Variants in CFAP97D2 observed in about 807,000 individuals in gnomAD.
The protein encoded by CFAP97D2 is CFAP97 domain containing 2, also known as uncharacterized protein CFAP97D2.
At chr13:114,209,558 G>C (rs779991922) in intron 3 of CFAP97D2, among the ~76,000 whole-genome samples, 1 of 152,114 alleles carries the variant, frequency 6.6e-6, no homozygotes, top group African/African-American at 2.4e-5. Flanking sequence ...TGGAGAGGAA[G>C]GTCCTGATGG....
At chr13:114,201,963 G>A (rs1594518358) in intron 3 of CFAP97D2, among the ~76,000 whole-genome samples, 1 of 152,312 alleles carries the variant, frequency 6.6e-6, no homozygotes, top group East Asian at 1.9e-4. Context: ...CATGACACCA[G>A]CACCCCAGTC....
At chr13:114,180,985 G>A (rs1178169914) in intron 1 of CFAP97D2, among the ~76,000 whole-genome samples, 1 of 152,222 alleles carries the variant, frequency 6.6e-6, no homozygotes, top group Non-Finnish European at 1.5e-5. Context: ...GCCCCAGGGG[G>A]CATAAGCTAG....
rs2080966147 is a variant in CFAP97D2 at position 114,211,464 on chromosome 13, A to G, written c.291-448A>G. On this transcript the variant is annotated intron_variant, in intron 3 of 4. Coordinates refer to ENST00000646158, the Ensembl canonical transcript of CFAP97D2. This position sits in a 1 kb window ranked among gnomAD's most constrained non-coding sequence, Gnocchi z 4.2. ...ACCCTCCAAAATCCAACCCCTGCCA[A>G]CCTCCCTCACCTCTCTCCCATGGGC... Among the ~76,000 whole-genome samples the G allele has an allele frequency of 1.3e-5, 2 of 150,822 alleles. No individual in the cohort carries two copies. The highest frequency in any genetic ancestry group is 4.9e-5 in the African/African-American group (2 of 40,888).
intron 3 of CFAP97D2, 39 bp downstream of exon 3, chr13:114,200,482 C>T (rs370075294): frequency 5.0e-6 from 2 of 398,420 alleles, no homozygotes; most frequent in East Asian, 3.6e-5. Flanking sequence ...CGGCTCAGCA[C>T]CAAACCCGAG....
chr13:114,184,028 G>A (rs940651027), intron 1 of CFAP97D2, among the ~76,000 whole-genome samples: 3 of 152,272 alleles, frequency 2.0e-5, no homozygotes, highest in South Asian at 2.1e-4. Context: ...GTATATACAC[G>A]TAATCCCAGC....
At chr13:114,197,573 G>T (rs2080893540) in intron 2 of CFAP97D2, among the ~76,000 whole-genome samples, 1 of 152,166 alleles carries the variant, frequency 6.6e-6, no homozygotes, top group African/African-American at 2.4e-5. Context: ...TCATGTCTTG[G>T]GGGGAAGGGA....
In CFAP97D2 at chr13:114,189,878, C is replaced by T. The variant is rs531729397; in HGVS notation, c.91-6518C>T. 2.0e-5 allele frequency among the ~76,000 whole-genome samples: 3 copies of T among 152,218 alleles called. No individual in the cohort carries two copies. The highest frequency in any genetic ancestry group is 3.4e-3 in the Middle Eastern group (1 of 294). On this transcript the variant is annotated intron_variant, in intron 1 of 4. Coordinates refer to ENST00000646158, the Ensembl canonical transcript of CFAP97D2. This position sits in a 1 kb window ranked among gnomAD's most constrained non-coding sequence, Gnocchi z 4.5. ...TATCTCCAGGCTGGGCATGGTGGCT[C>T]GCCCTGTAATCAGAACACTTTGGGT...
At chr13:114,197,221 C>A (rs776625796) in intron 2 of CFAP97D2, among the ~76,000 whole-genome samples, 1 of 152,208 alleles carries the variant, frequency 6.6e-6, no homozygotes, top group Non-Finnish European at 1.5e-5. Flanking sequence ...CAAGAGACAG[C>A]TTTGCAGGGC....
chr13:114,182,190 T>A lies in CFAP97D2; in HGVS notation c.90+2770T>A, dbSNP rs375014834. Among the ~76,000 whole-genome samples the A allele has an allele frequency of 3.7e-3, 522 of 140,692 alleles. 9 individuals carry two copies. Among genetic ancestry groups the A allele is most frequent in the African/African-American group, 0.013 (481 of 36,138 alleles). The allele number at this position is 140,692 out of a possible 152,430, so 92.3% of individuals were successfully genotyped here. A position where few individuals can be genotyped will look rare whatever the true frequency, so the allele number is the denominator to read the frequency against. On this transcript the variant is annotated intron_variant, in intron 1 of 4. Transcript: ENST00000646158. ...CAAAAAACGTGAGCAAAAGAGTCTATGTCGTAATTAAGTTCAAGGGAAGGT... is the reference window on the plus strand; with the variant it reads ...CAAAAAACGTGAGCAAAAGAGTCTAAGTCGTAATTAAGTTCAAGGGAAGGT...
intron 4 of CFAP97D2, among the ~76,000 whole-genome samples, chr13:114,216,269 C>T (rs2080992823): frequency 6.6e-6 from 1 of 152,144 alleles, no homozygotes; most frequent in African/African-American, 2.4e-5. Flanking sequence ...GGCTTGTTTT[C>T]AGACATCATT....
intron 4 of CFAP97D2, among the ~76,000 whole-genome samples, chr13:114,216,543 TG>T (rs1412466125): frequency 6.6e-6 from 1 of 152,182 alleles, no homozygotes; most frequent in East Asian, 1.9e-4. Flanking sequence ...ATGCGGTGTT[TG>T]GTTTTTTGAC....
In CFAP97D2 at chr13:114,211,566, G is replaced by C. The variant is rs1377798496; in HGVS notation, c.291-346G>C. Among the ~76,000 whole-genome samples the C allele has an allele frequency of 6.6e-6, 1 of 151,964 alleles. No individual in the cohort carries two copies. Among genetic ancestry groups the C allele is most frequent in the Non-Finnish European group, 1.5e-5 (1 of 68,014 alleles). ...CCGGGTGCTCGCCCTCCCTGCCTGG[G>C]ACCCCACTCTCTCCCACTCATCTTG... On this transcript the variant is annotated intron_variant, in intron 3 of 4. Coordinates refer to ENST00000646158, the Ensembl canonical transcript of CFAP97D2. This position sits in a 1 kb window ranked among gnomAD's most constrained non-coding sequence, Gnocchi z 4.2.
chr13:114,192,410 A>T (rs994316262), intron 1 of CFAP97D2, among the ~76,000 whole-genome samples: 5 of 152,098 alleles, frequency 3.3e-5, no homozygotes, highest in East Asian at 1.9e-4. Flanking sequence ...ATCATTTAAA[A>T]TTTTTTTTAA....
chr13:114,195,947 G>T (rs1185153568), intron 1 of CFAP97D2, among the ~76,000 whole-genome samples: 2 of 151,720 alleles, frequency 1.3e-5, no homozygotes, highest in African/African-American at 4.8e-5. Context: ...GCTGGGCATG[G>T]TGGCGGGCGC....
chr13:114,194,764 A>G (rs2080880084), intron 1 of CFAP97D2, among the ~76,000 whole-genome samples: 1 of 152,240 alleles, frequency 6.6e-6, no homozygotes, highest in Admixed American at 6.5e-5. Flanking sequence ...AACAAGAAGC[A>G]ACATCAGATA....
chr13:114,205,320 C>G (rs902467333), intron 3 of CFAP97D2, among the ~76,000 whole-genome samples: 1 of 152,094 alleles, frequency 6.6e-6, no homozygotes, highest in East Asian at 1.9e-4. Context: ...ACCATATAAC[C>G]AATTTCACTC....
rs74116829 is a variant in CFAP97D2 at position 114,222,083 on chromosome 13, G to T, written c.481-415G>T. Reference sequence around the variant, plus strand: ...AACCTTAAAGACATTATTATGTTCCGTGAAAAAGCTGGATACTAAATGCCG... The same window carrying T: ...AACCTTAAAGACATTATTATGTTCCTTGAAAAAGCTGGATACTAAATGCCG... On this transcript the variant is annotated intron_variant, in intron 4 of 4. Coordinates refer to ENST00000646158, the Ensembl canonical transcript of CFAP97D2. The surrounding 1 kb of genome is among the most constrained non-coding windows in gnomAD (Gnocchi z 4.4). 1.3e-5 allele frequency among the ~76,000 whole-genome samples: 2 copies of T among 152,130 alleles called. No homozygotes were observed. The highest frequency in any genetic ancestry group is 1.3e-4 in the Admixed American group (2 of 15,278).
Position 114,189,563 on chromosome 13 carries a change from C to G in CFAP97D2, c.91-6833C>G, listed in dbSNP as rs886111723. Reference sequence around the variant, plus strand: ...TCAATATCTCTCATGAACATTGATGCAAAAATCCACAGCAAAACTTAGCAA... The same window carrying G: ...TCAATATCTCTCATGAACATTGATGGAAAAATCCACAGCAAAACTTAGCAA... On this transcript the variant is annotated intron_variant, in intron 1 of 4. Coordinates refer to ENST00000646158, the Ensembl canonical transcript of CFAP97D2. The surrounding 1 kb of genome is among the most constrained non-coding windows in gnomAD (Gnocchi z 4.5). Among the ~76,000 whole-genome samples, 1 of 152,024 alleles carries G rather than the reference C, an allele frequency of 6.6e-6. No homozygotes were observed. Among genetic ancestry groups the G allele is most frequent in the Admixed American group, 6.6e-5 (1 of 15,266 alleles).
chr13:114,200,759 C>T (rs779313086), intron 3 of CFAP97D2, among the ~76,000 whole-genome samples: 3 of 152,188 alleles, frequency 2.0e-5, no homozygotes, highest in Admixed American at 6.5e-5. Flanking sequence ...CCGTGTGGTA[C>T]GGGCTCTTGT....
Sources: gnomAD v4.1 joint callset for allele counts (sites outside exome capture counted in the v4.1 genomes callset) on GRCh38, gnomAD v4.1.1 for gene constraint, Gnocchi (gnomAD v3.1) non-coding constraint, MANE v1.5 for transcripts, NCBI Gene and HGNC (gene_info 2026-07-23, HGNC 2026-07-21) for gene names.